The following MTO1 variants were observed in gnomAD, a reference collection of about 807,000 sequenced individuals.
MTO1 encodes mitochondrial tRNA translation optimization 1, also known as 5-taurinomethyluridine-[tRNA] synthase subunit MTO1, mitochondrial.
MTO1 carries 46 observed loss-of-function variants against 71.6 expected under a neutral mutation model. That is an observed-to-expected ratio of 0.64 (90% CI 0.51 to 0.82). The LOEUF (loss-of-function observed/expected upper bound fraction) is 0.82. MTO1 is among the 40% of genes least tolerant of loss of function. MTO1 has a pLI of 0.00. For missense variants in MTO1, 773 were observed against 867.5 expected, an observed-to-expected ratio of 0.89 and a Z score of 1.37; for synonymous variants, 297 against 312.1, an observed-to-expected ratio of 0.95 and a Z score of 0.51.
intron 1 of MTO1, among the ~76,000 whole-genome samples, chr6:73,463,101 G>A (rs1770876333): frequency 6.6e-6 from 1 of 150,378 alleles, no homozygotes; most frequent in Admixed American, 6.7e-5. Flanking sequence ...TCGGCTCACT[G>A]CAAGCTCCGC....
intron 4 of MTO1, among the ~76,000 whole-genome samples, chr6:73,474,029 AC>A (rs558722600): frequency 6.8e-6 from 1 of 146,972 alleles, no homozygotes; most frequent in Non-Finnish European, 1.5e-5. Flanking sequence ...CAAAGGATCC[AC>A]CCCCCTTGGC....
In MTO1 at chr6:73,506,516, T is replaced by G. The variant is rs1772290695; in HGVS notation, c.*5781T>G. ...CTTCTTCCTCATTTTCTCTTGCCAC[T>G]CCCATGTAAGAAGTGCCTTTCGCCT... On this transcript the variant is annotated 3_prime_UTR_variant, in exon 12 of 12. Coordinates refer to ENST00000498286, the MANE Select transcript of MTO1 (RefSeq NM_012123.4). 1 of 158,240 alleles carries G rather than the reference T, an allele frequency of 6.3e-6. No homozygotes were observed. Among genetic ancestry groups the G allele is most frequent in the South Asian group, 2.0e-4 (1 of 4,968 alleles). The allele number at this position is 158,240 out of a possible 1,614,324, so 9.8% of individuals were successfully genotyped here. A position where few individuals can be genotyped will look rare whatever the true frequency, so the allele number is the denominator to read the frequency against.
chr6:73,462,752 TA>T (rs1363717076), intron 1 of MTO1, among the ~76,000 whole-genome samples: 2 of 151,938 alleles, frequency 1.3e-5, no homozygotes, highest in Non-Finnish European at 1.5e-5. Flanking sequence ...ATTAATAAAA[TA>T]AAAAAATCCT....
intron 3 of MTO1, among the ~76,000 whole-genome samples, chr6:73,467,305 C>T (rs60469374): frequency 6.7e-6 from 1 of 149,926 alleles, no homozygotes; most frequent in African/African-American, 2.5e-5. Flanking sequence ...CAGAGTGAGA[C>T]CCTGTGTCAA....
intron 9 of MTO1, among the ~76,000 whole-genome samples, chr6:73,491,118 A>G (rs73450699): frequency 2.5e-4 from 38 of 152,314 alleles, no homozygotes; most frequent in African/African-American, 9.1e-4. Flanking sequence ...TGCTATCTGC[A>G]TACATTGCTC....
At chr6:73,486,119 G>A (rs1175046323) in intron 9 of MTO1, among the ~76,000 whole-genome samples, 1 of 152,098 alleles carries the variant, frequency 6.6e-6, no homozygotes, top group Non-Finnish European at 1.5e-5. Context: ...TTGGAGTTGA[G>A]AATAGCTCAA....
rs769532203 is a variant in MTO1, at chr6:73,466,390, CTA to C, written c.402_403del (p.Tyr134Ter). 9 of 1,614,120 alleles carry C rather than the reference CTA, an allele frequency of 5.6e-6. No homozygotes were observed. Among genetic ancestry groups the C allele is most frequent in the Non-Finnish European group, 7.6e-6 (9 of 1,180,024 alleles). ...GLRAQIDRKL[Y>X]KQNMQKEILN... ...TGAGAGCTCAGATTGATAGGAAACT[CTA>C]TAAACAGAACATGCAGGTAAGAATA... On this transcript the variant is annotated frameshift_variant, in exon 2 of 12. Coordinates refer to ENST00000498286, the MANE Select transcript of MTO1 (RefSeq NM_012123.4). LOFTEE classifies it high-confidence loss of function.
At chr6:73,464,281 A>G (rs542943317) in intron 1 of MTO1, 1 of 152,268 alleles carries the variant, frequency 6.6e-6, no homozygotes, top group East Asian at 1.9e-4. Flanking sequence ...AGGAAGAAGG[A>G]GGAAAATAAT....
chr6:73,495,610 T>A (rs1455583996), intron 10 of MTO1, among the ~76,000 whole-genome samples: 1 of 152,108 alleles, frequency 6.6e-6, no homozygotes, highest in Non-Finnish European at 1.5e-5. Flanking sequence ...ATCAGTGGTT[T>A]TCAGATTGCT....
intron 4 of MTO1, among the ~76,000 whole-genome samples, chr6:73,478,642 G>T (rs982088208): frequency 6.6e-6 from 1 of 152,112 alleles, no homozygotes; most frequent in Non-Finnish European, 1.5e-5. Context: ...GGGTTCAAGC[G>T]ATTCTCCTGC....
intron 10 of MTO1, among the ~76,000 whole-genome samples, chr6:73,492,968 A>ATATGTGTGTGTG (rs1554150368): frequency 2.9e-5 from 2 of 67,850 alleles, no homozygotes; most frequent in Non-Finnish European, 5.5e-5. Context: ...TATATAATAT[A>ATATGTGTGTGTG]TGTGTGTGTG....
chr6:73,476,065 T>C (rs999884047), intron 4 of MTO1, among the ~76,000 whole-genome samples: 2 of 151,970 alleles, frequency 1.3e-5, no homozygotes, highest in South Asian at 4.1e-4. Context: ...CTGCGATCTA[T>C]TGAAAGTTAA....
At chr6:73,477,604 T>G (rs1771363625) in intron 4 of MTO1, among the ~76,000 whole-genome samples, 1 of 151,190 alleles carries the variant, frequency 6.6e-6, no homozygotes, top group African/African-American at 2.4e-5. Context: ...CCTCCCAGGC[T>G]TGGATGATCC....
rs765815328 is a variant in MTO1, at chr6:73,480,068, A to G, written c.1071A>G (p.Leu357=). The change falls in exon 6 of 12, where the codon TTA becomes TTG. Residue 357 remains leucine, a synonymous_variant. Transcript: ENST00000498286. The part of the protein sequence containing the change: ...QGLSMTLPAE[L]QEKMITCIRG... Reference sequence around the variant, plus strand: ...TATCTATGACGCTACCAGCTGAGTTACAAGAGAAAATGATCACATGCATCA... The same window carrying G: ...TATCTATGACGCTACCAGCTGAGTTGCAAGAGAAAATGATCACATGCATCA... 3 of 1,614,198 alleles carry G rather than the reference A, an allele frequency of 1.9e-6. No homozygotes were observed. Among genetic ancestry groups the G allele is most frequent in the Non-Finnish European group, 2.5e-6 (3 of 1,180,032 alleles).
At chr6:73,490,296 A>G (rs1372501214) in intron 9 of MTO1, among the ~76,000 whole-genome samples, 1 of 152,222 alleles carries the variant, frequency 6.6e-6, no homozygotes, top group African/African-American at 2.4e-5. Context: ...TAGTTTAATT[A>G]GATCCCATTT....
Position 73,500,687 on chromosome 6 carries a change from T to G in MTO1, c.2031T>G (p.Thr677=). Residue 677 remains threonine (T), a synonymous_variant, in exon 12 of 12, where the codon ACT becomes ACG. Coordinates refer to ENST00000498286, the MANE Select transcript of MTO1 (RefSeq NM_012123.4). The part of the protein sequence containing the change: ...RQSAMNESSK[T]DQYLCDADRL... Reference sequence around the variant, plus strand: ...CGGCTATGAATGAATCATCCAAGACTGATCAATACTTATGTGATGCAGACA... The same window carrying G: ...CGGCTATGAATGAATCATCCAAGACGGATCAATACTTATGTGATGCAGACA... The G allele has an allele frequency of 6.2e-7, 1 of 1,609,958 alleles. No individual in the cohort carries two copies. Among genetic ancestry groups the G allele is most frequent in the Non-Finnish European group, 8.5e-7 (1 of 1,178,014 alleles).
In MTO1 at chr6:73,507,533, T is replaced by G; in HGVS notation, c.*6798T>G. ...TTCCTATGCTCCAATTTTATAGATA[T>G]AACTTAGCCTTGCGAGGTGATGTAA... On this transcript the variant is annotated 3_prime_UTR_variant, in exon 12 of 12. Transcript: ENST00000498286. The G allele has an allele frequency of 6.6e-6, 1 of 152,364 alleles. No individual in the cohort carries two copies. The highest frequency in any genetic ancestry group is 1.5e-5 in the Non-Finnish European group (1 of 68,034). The allele number at this position is 152,364 out of a possible 1,614,324, so 9.4% of individuals were successfully genotyped here. A position where few individuals can be genotyped will look rare whatever the true frequency, so the allele number is the denominator to read the frequency against.
chr6:73,494,713 TG>T (rs1771933991), intron 10 of MTO1, among the ~76,000 whole-genome samples: 1 of 150,740 alleles, frequency 6.6e-6, no homozygotes, highest in Non-Finnish European at 1.5e-5. Flanking sequence ...TGACTTCAGG[TG>T]ATCCACCCGC....
intron 9 of MTO1, among the ~76,000 whole-genome samples, chr6:73,491,396 C>CA (rs1223217073): frequency 0.078 from 10,444 of 133,644 alleles, 612 homozygotes; most frequent in East Asian, 0.21. Flanking sequence ...CCTGTCTCTA[C>CA]AAAAAAAAAA....
Sources: gnomAD v4.1 joint callset for allele counts (sites outside exome capture counted in the v4.1 genomes callset) on GRCh38, gnomAD v4.1.1 for gene constraint, MANE v1.5 for transcripts, NCBI Gene and HGNC (gene_info 2026-07-23, HGNC 2026-07-21) for gene names.